GRIN2A: variants seen among roughly 807,000 people sequenced by gnomAD.
GRIN2A encodes glutamate receptor ionotropic, NMDA 2A.
Under a neutral mutation model 113.4 loss-of-function variants are expected in GRIN2A, and 22 were observed. The observed-to-expected ratio is 0.19, with a 90% CI of 0.14 to 0.28. The LOEUF (loss-of-function observed/expected upper bound fraction) is 0.28, where lower values mean the gene tolerates loss of function less well. Among genes scored for constraint, GRIN2A ranks in the 10% least tolerant of loss-of-function variants. The probability of loss-of-function intolerance (pLI) is 1.00; values close to 1 mark genes in which losing one functional copy is unlikely to be tolerated. For synonymous variants in GRIN2A, 827 were observed against 738.4 expected (o/e 1.12, Z -1.94); for missense variants, 1,502 against 1,887.0 (o/e 0.80, Z 3.78).
intron 2 of GRIN2A, among the ~76,000 whole-genome samples, chr16:9,980,431 A>G (rs1375048073): frequency 6.6e-6 from 1 of 152,140 alleles, no homozygotes; most frequent in Non-Finnish European, 1.5e-5. Context: ...CGGTGTGGCA[A>G]TTCCTCAGGG....
intron 10 of GRIN2A, among the ~76,000 whole-genome samples, chr16:9,818,459 A>G (rs978169180): frequency 6.6e-6 from 1 of 152,158 alleles, no homozygotes; most frequent in Non-Finnish European, 1.5e-5. Flanking sequence ...AATGGTTGAT[A>G]TATTTCACTA....
chr16:10,127,820 C>T (rs1326932216), intron 2 of GRIN2A, among the ~76,000 whole-genome samples: 1 of 152,172 alleles, frequency 6.6e-6, no homozygotes, highest in Non-Finnish European at 1.5e-5. Flanking sequence ...AAGAATTAAA[C>T]CTCGCCCAAA....
chr16:9,998,293 C>A (rs1240301986), intron 2 of GRIN2A, among the ~76,000 whole-genome samples: 2 of 152,154 alleles, frequency 1.3e-5, no homozygotes, highest in Non-Finnish European at 1.5e-5. Flanking sequence ...CGACAGGAGC[C>A]AGGCATAACA....
chr16:9,790,456 A>T (rs1056425396), intron 11 of GRIN2A, among the ~76,000 whole-genome samples: 3 of 152,238 alleles, frequency 2.0e-5, no homozygotes, highest in Admixed American at 6.5e-5. Context: ...AAAGCCAGGG[A>T]ATATATAATT....
chr16:9,922,655 G>A (rs958862921), intron 3 of GRIN2A, among the ~76,000 whole-genome samples: 21 of 152,302 alleles, frequency 1.4e-4, no homozygotes, highest in African/African-American at 3.6e-4. Flanking sequence ...AAGATGGACC[G>A]CATGCCTGAG....
At chr16:9,829,810 ATTTT>A (rs1333273010) in intron 8 of GRIN2A, among the ~76,000 whole-genome samples, 158 bp from the exon 9 acceptor site, 5 of 152,034 alleles carry the variant, frequency 3.3e-5, no homozygotes, top group African/African-American at 1.2e-4. Flanking sequence ...ACAATAACTT[ATTTT>A]TTTCTTTAAA....
At chr16:9,799,486 C>G (rs11643173) in intron 10 of GRIN2A, among the ~76,000 whole-genome samples, 52,806 of 152,074 alleles carry the variant, frequency 0.35, 9,569 homozygotes, top group African/African-American at 0.46. Context: ...CATTTCTGTT[C>G]TTTAAGCTGC....
intron 11 of GRIN2A, among the ~76,000 whole-genome samples, chr16:9,795,422 G>A (rs1279744105): frequency 6.6e-6 from 1 of 152,182 alleles, no homozygotes; most frequent in Non-Finnish European, 1.5e-5. Flanking sequence ...CCCGTGTTTA[G>A]CATATCATCA....
Position 9,849,904 on chromosome 16 carries a change from T to G in GRIN2A, c.1180A>C (p.Lys394Gln), listed in dbSNP as rs1555496180. The G allele has an allele frequency of 6.2e-7, 1 of 1,613,998 alleles. No homozygotes were observed. Residue 394 changes from lysine to glutamine, a missense_variant, in exon 5 of 13, where the codon AAG (lysine) becomes CAG (glutamine). Transcript: ENST00000330684. ...SLRHAVWPRY[K>Q]SFSDCEPDDN... ...TCCGGCTCACAGTCGGAGAAGGACT[T>G]GTACCTGGGCCACACGGCGTGCCTC...
intron 10 of GRIN2A, among the ~76,000 whole-genome samples, chr16:9,800,466 C>CA (rs1285571053): frequency 6.6e-6 from 1 of 151,608 alleles, no homozygotes; most frequent in South Asian, 2.1e-4. Flanking sequence ...AACAGTGAAG[C>CA]AAAAAAATAA....
intron 2 of GRIN2A, among the ~76,000 whole-genome samples, chr16:10,110,725 G>A: frequency 6.6e-6 from 1 of 152,190 alleles, no homozygotes; most frequent in East Asian, 1.9e-4. Flanking sequence ...GGAATATTTA[G>A]TCCATAAAAA....
intron 2 of GRIN2A, among the ~76,000 whole-genome samples, chr16:10,046,465 G>T (rs991438918): frequency 2.6e-5 from 4 of 151,766 alleles, no homozygotes; most frequent in African/African-American, 4.8e-5. Flanking sequence ...TTGGGGTTTT[G>T]TTACTTGCAG....
intron 2 of GRIN2A, among the ~76,000 whole-genome samples, chr16:10,100,626 G>C (rs919896632): frequency 6.6e-6 from 1 of 152,188 alleles, no homozygotes. Flanking sequence ...CTTGTAAGAT[G>C]CTTTTCAGTT....
intron 9 of GRIN2A, among the ~76,000 whole-genome samples, chr16:9,826,301 G>T (rs2042386361): frequency 6.6e-6 from 1 of 152,114 alleles, no homozygotes; most frequent in Non-Finnish European, 1.5e-5. Context: ...GATTTCCTCT[G>T]TCAGAGTGAT....
intron 2 of GRIN2A, among the ~76,000 whole-genome samples, chr16:9,946,859 G>A (rs961383097): frequency 1.4e-4 from 22 of 152,180 alleles, no homozygotes; most frequent in African/African-American, 5.3e-4. Flanking sequence ...TAAGCTGTAA[G>A]ATCGAGAGTT....
intron 8 of GRIN2A, among the ~76,000 whole-genome samples, chr16:9,830,933 A>G (rs1291024251): frequency 6.6e-6 from 1 of 151,698 alleles, no homozygotes; most frequent in Non-Finnish European, 1.5e-5. Context: ...TTTTTTAGGG[A>G]TGCACACTGA....
At chr16:10,029,225 G>A (rs772864629) in intron 2 of GRIN2A, among the ~76,000 whole-genome samples, 3 of 150,530 alleles carry the variant, frequency 2.0e-5, no homozygotes, top group Admixed American at 6.6e-5. Flanking sequence ...ACAGAGTTTC[G>A]CTCTTGTTGC....
At chr16:9,954,309 G>T (rs146751311) in intron 2 of GRIN2A, among the ~76,000 whole-genome samples, 1 of 152,212 alleles carries the variant, frequency 6.6e-6, no homozygotes, top group African/African-American at 2.4e-5. Flanking sequence ...GTTCCCCAGA[G>T]AACAAAAAGG....
Position 10,180,628 on chromosome 16 carries a change from A to C in GRIN2A, c.-18-199T>G. 1 of 844,694 alleles carries C rather than the reference A, an allele frequency of 1.2e-6. No individual in the cohort carries two copies. Among genetic ancestry groups the C allele is most frequent in the Non-Finnish European group, 1.8e-6 (1 of 560,136 alleles). 52.3% of individuals were successfully genotyped at this position (844,694 alleles called of 1,614,324 possible). ...ATCTCTAACTCTATCCACAACTCCA[A>C]TTCGAGCTAATTCTCCATCCCCCAG... On this transcript the variant is annotated intron_variant, in intron 1 of 12. Transcript: ENST00000330684. The surrounding 1 kb of genome is among the most constrained non-coding windows in gnomAD (Gnocchi z 7.0).
Sources: gnomAD v4.1 joint callset for allele counts (sites outside exome capture counted in the v4.1 genomes callset) on GRCh38, gnomAD v4.1.1 for gene constraint, Gnocchi (gnomAD v3.1) non-coding constraint, MANE v1.5 for transcripts, NCBI Gene and HGNC (gene_info 2026-07-23, HGNC 2026-07-21) for gene names.